The following PLA2G6 variants were observed in gnomAD, a reference collection of about 807,000 sequenced individuals.
PLA2G6 encodes the protein phospholipase A2 group VI.
In PLA2G6, 62 loss-of-function variants were observed where a neutral mutation model predicts 83.8. That is an observed-to-expected ratio of 0.74 (90% CI 0.60 to 0.91). The LOEUF (loss-of-function observed/expected upper bound fraction) is 0.91, where lower values mean the gene tolerates loss of function less well. PLA2G6 is among the 40% of genes least tolerant of loss of function. The pLI, the probability that PLA2G6 is intolerant of heterozygous loss-of-function variation, is 0.00. For synonymous variants in PLA2G6, 417 were observed against 449.8 expected, an observed-to-expected ratio of 0.93 and a Z score of 0.92; for missense variants, 944 against 1,102.0, an observed-to-expected ratio of 0.86 and a Z score of 2.03.
chr22:38,180,526 CA>C (rs2090806606), intron 1 of PLA2G6: 1 of 152,198 alleles, frequency 6.6e-6, no homozygotes, highest in Non-Finnish European at 1.5e-5. Context: ...GTGAAGAGAA[CA>C]TATACAGAAG....
chr22:38,167,440 T>G (rs1310517654), intron 2 of PLA2G6, among the ~76,000 whole-genome samples: 2 of 152,064 alleles, frequency 1.3e-5, no homozygotes, highest in Non-Finnish European at 2.9e-5. Context: ...ACGTGGAGAT[T>G]AGTGGTATCC....
intron 13 of PLA2G6, 35 bp from the exon 14 acceptor site, chr22:38,115,716 A>G: frequency 6.4e-7 from 1 of 1,573,916 alleles, no homozygotes; most frequent in Non-Finnish European, 8.6e-7. Flanking sequence ...CCAGTGGCAC[A>G]AGGGACTGGC....
At chr22:38,127,039 T>C (rs374064755) in intron 9 of PLA2G6, 3 of 1,091,472 alleles carry the variant, frequency 2.7e-6, no homozygotes, top group East Asian at 1.4e-4. Context: ...CATGTCTTCC[T>C]TTGTGTCCAA....
chr22:38,174,280 C>A (rs1381249662), intron 1 of PLA2G6, among the ~76,000 whole-genome samples: 1 of 151,974 alleles, frequency 6.6e-6, no homozygotes. Context: ...TGCCTGTAGT[C>A]CCAGCTATTC....
At chr22:38,134,768 G>A (rs575266908) in intron 6 of PLA2G6, 45 of 565,036 alleles carry the variant, frequency 8.0e-5, no homozygotes, top group Middle Eastern at 4.7e-4. Context: ...TCATGGATGA[G>A]GAAACTGAGG....
rs1458519126 is a variant in PLA2G6, at chr22:38,174,587, C to G, written c.-45-5116G>C. On this transcript the variant is annotated intron_variant, in intron 1 of 16. Coordinates refer to ENST00000332509, the MANE Select transcript of PLA2G6 (RefSeq NM_003560.4). ...AGTGCACGGTCCCCTGAGGGAAGGA[C>G]CCCTAAAGGGGATGACTTTTTAGCT... is the stretch of plus-strand genomic sequence containing the variant. Among the ~76,000 whole-genome samples, 4 of 152,098 alleles carry G rather than the reference C, an allele frequency of 2.6e-5. No individual in the cohort carries two copies. In the South Asian group the frequency reaches 6.2e-4, roughly 24 times the overall value.
chr22:38,143,466 G>A (rs1180968444), intron 3 of PLA2G6, 178 bp from the exon 4 acceptor site: 20 of 698,216 alleles, frequency 2.9e-5, no homozygotes, highest in Non-Finnish European at 4.7e-5. Flanking sequence ...TATATCTGAT[G>A]TGACCTGTAT....
chr22:38,129,421 C>A, intron 8 of PLA2G6, 33 bp downstream of exon 8: 1 of 1,452,190 alleles, frequency 6.9e-7, no homozygotes. Context: ...CCAACCCTCA[C>A]CCCACTCCAG....
At position 38,113,642 on chromosome 22, in the gene PLA2G6, T is replaced by C. The variant is rs1241210149; in HGVS notation, c.2047A>G (p.Lys683Glu). Residue 683 changes from lysine to glutamate, a missense_variant, in exon 15 of 17, where the codon AAG (lysine) becomes GAG (glutamate). Transcript: ENST00000332509. ...QDLIRKGQAN[K>E]VKKLSIVVSL... The stretch of plus-strand genomic sequence containing the variant: ...ACAACGATGGAGAGTTTCTTCACCT[T>C]GTTGGCCTGACCCTGTTGGGAACAG... 2 of 1,613,576 alleles carry C rather than the reference T, an allele frequency of 1.2e-6. No homozygotes were observed. The highest frequency in any genetic ancestry group is 2.2e-5 in the East Asian group (1 of 44,886).
At chr22:38,143,016 G>T in intron 4 of PLA2G6, 89 bp downstream of exon 4, 1 of 1,231,358 alleles carries the variant, frequency 8.1e-7, no homozygotes, top group Non-Finnish European at 1.2e-6. Context: ...TGAGAGGCCT[G>T]AGAGTGACAC....
chr22:38,124,027 G>A (rs2087684957), intron 10 of PLA2G6, among the ~76,000 whole-genome samples: 1 of 152,102 alleles, frequency 6.6e-6, no homozygotes, highest in Non-Finnish European at 1.5e-5. Flanking sequence ...TAGAGACGGG[G>A]TTTCTCCATG....
At chr22:38,145,874 G>C (rs894704169) in intron 2 of PLA2G6, 47 of 564,004 alleles carry the variant, frequency 8.3e-5, no homozygotes, top group African/African-American at 8.2e-4. Flanking sequence ...GTTTAGGTTA[G>C]ACTTTCTTTG....
chr22:38,159,257 G>C (rs1421534703), intron 2 of PLA2G6, among the ~76,000 whole-genome samples: 2 of 152,064 alleles, frequency 1.3e-5, no homozygotes, highest in African/African-American at 2.4e-5. Context: ...AGACAAATTT[G>C]ACAACTTCGA....
chr22:38,118,713 A>G (rs192757012), intron 12 of PLA2G6, among the ~76,000 whole-genome samples: 1 of 149,630 alleles, frequency 6.7e-6, no homozygotes, highest in Non-Finnish European at 1.5e-5. Flanking sequence ...GAATTTATAA[A>G]TATTTTTTCT....
rs11570727 is a variant in PLA2G6 at position 38,123,834 on chromosome 22, C to T, written c.1428-576G>A. ...CTCTGAGGCAGACCCTCCCTGACAT[C>T]CCTGTGCTTATTTATTTAGAGACGG... On this transcript the variant is annotated intron_variant, in intron 10 of 16. Coordinates refer to ENST00000332509, the MANE Select transcript of PLA2G6 (RefSeq NM_003560.4). The surrounding 1 kb of genome is among the most constrained non-coding windows in gnomAD (Gnocchi z 4.1). 0.093 allele frequency among the ~76,000 whole-genome samples: 14,138 copies of T among 152,162 alleles called. 743 individuals carry two copies. The highest frequency in any genetic ancestry group is 0.15 in the East Asian group (759 of 5,168).
chr22:38,173,694 T>C (rs1309940210), intron 1 of PLA2G6, among the ~76,000 whole-genome samples: 3 of 152,126 alleles, frequency 2.0e-5, no homozygotes, highest in East Asian at 1.9e-4. Flanking sequence ...TATTATCCCA[T>C]CTTCCCATCT....
intron 2 of PLA2G6, among the ~76,000 whole-genome samples, chr22:38,158,917 T>C (rs1196440576): frequency 6.6e-6 from 1 of 152,144 alleles, no homozygotes; most frequent in African/African-American, 2.4e-5. Context: ...AAAAGCGGCT[T>C]GCCAGGCACA....
chr22:38,121,082 A>C, intron 11 of PLA2G6, 173 bp from the exon 12 acceptor site: 1 of 642,048 alleles, frequency 1.6e-6, no homozygotes, highest in East Asian at 2.8e-5. Context: ...ACAGACAGAG[A>C]GAAACCTCCT....
intron 9 of PLA2G6, among the ~76,000 whole-genome samples, chr22:38,127,790 C>T (rs1602115603): frequency 6.6e-6 from 1 of 152,216 alleles, no homozygotes; most frequent in Admixed American, 6.5e-5. Context: ...TGCTGGCTGC[C>T]TGGCCACATT....
Sources: allele counts gnomAD v4.1 joint callset (sites outside exome capture counted in the v4.1 genomes callset), GRCh38; gene constraint gnomAD v4.1.1; non-coding constraint Gnocchi (gnomAD v3.1); transcripts MANE v1.5; gene names NCBI Gene and HGNC (gene_info 2026-07-23, HGNC 2026-07-21).